The following INTU variants were observed in gnomAD, a reference collection of about 807,000 sequenced individuals.
The protein encoded by INTU is protein inturned.
Under a neutral mutation model 100.5 loss-of-function variants are expected in INTU, and 68 were observed. The ratio of observed to expected loss-of-function variants is 0.68; its 90% CI spans 0.56 to 0.83. The LOEUF (loss-of-function observed/expected upper bound fraction) is 0.83, where lower values mean the gene tolerates loss of function less well. Ranked by LOEUF, INTU falls within the 40% of genes least tolerant of loss-of-function variation. INTU has a pLI of 0.00. For missense variants in INTU, 1,071 were observed against 1,114.7 expected (o/e 0.96, Z 0.56); for synonymous variants, 357 against 395.7 (o/e 0.90, Z 1.16).
At chr4:127,656,298 A>G (rs1728219675) in intron 2 of INTU, among the ~76,000 whole-genome samples, 1 of 152,188 alleles carries the variant, frequency 6.6e-6, no homozygotes, top group African/African-American at 2.4e-5. Flanking sequence ...TGTCAAGTAC[A>G]GTATTTGGTT....
chr4:127,718,159 A>G lies in INTU; in HGVS notation c.*1723A>G, dbSNP rs1731295886. ...CCTTTATTCTATCTTAATTTTTTGT[A>G]TAAGGTATGAGGAATGGGTCCAGTT... On this transcript the variant is annotated 3_prime_UTR_variant, in exon 16 of 16. Transcript: ENST00000335251. 6.6e-6 allele frequency: 1 copy of G among 151,988 alleles called. No homozygotes were observed. The highest frequency in any genetic ancestry group is 2.1e-4 in the South Asian group (1 of 4,826). The allele number at this position is 151,988 out of a possible 1,614,324, so 9.4% of individuals were successfully genotyped here. A position where few individuals can be genotyped will look rare whatever the true frequency, so the allele number is the denominator to read the frequency against.
chr4:127,690,357 A>G (rs1730061532), intron 8 of INTU, among the ~76,000 whole-genome samples: 1 of 152,182 alleles, frequency 6.6e-6, no homozygotes, highest in African/African-American at 2.4e-5. Flanking sequence ...TTATCTTGCC[A>G]GTGCTTTGGC....
chr4:127,654,882 T>G (rs568861172), intron 2 of INTU, among the ~76,000 whole-genome samples: 64 of 144,728 alleles, frequency 4.4e-4, no homozygotes, highest in African/African-American at 1.6e-3. Flanking sequence ...GATTTGGTCT[T>G]TTCACATAGT....
At chr4:127,711,247 C>G in intron 14 of INTU, 145 bp downstream of exon 14, 1 of 534,752 alleles carries the variant, frequency 1.9e-6, no homozygotes, top group East Asian at 3.0e-5. Context: ...GGTGCCAAAA[C>G]AATTATACTC....
chr4:127,687,648 C>A, intron 7 of INTU, 30 bp from the exon 8 acceptor site: 1 of 1,564,886 alleles, frequency 6.4e-7, no homozygotes, highest in Non-Finnish European at 8.7e-7. Context: ...TTCCATATGT[C>A]GTTCTAACTT....
chr4:127,647,516 C>T (rs548889469), intron 2 of INTU, among the ~76,000 whole-genome samples: 2 of 152,264 alleles, frequency 1.3e-5, no homozygotes, highest in Non-Finnish European at 2.9e-5. Context: ...GACGATCATT[C>T]GGATAATCCA....
chr4:127,679,948 A>G (rs1173690308), intron 6 of INTU, among the ~76,000 whole-genome samples: 1 of 152,240 alleles, frequency 6.6e-6, no homozygotes, highest in Non-Finnish European at 1.5e-5. Flanking sequence ...CAGAATTACA[A>G]ACTACCGTCA....
rs1170611458 is a variant in INTU at position 127,725,808 on chromosome 4, A to C, written c.*9372A>C. 1 of 152,218 alleles carries C rather than the reference A, an allele frequency of 6.6e-6. No individual in the cohort carries two copies. Among genetic ancestry groups the C allele is most frequent in the Non-Finnish European group, 1.5e-5 (1 of 68,034 alleles). 9.4% of individuals were successfully genotyped at this position (152,218 alleles called of 1,614,324 possible). On this transcript the variant is annotated 3_prime_UTR_variant, in exon 16 of 16. Transcript: ENST00000335251. ...TCACACATCTTATTTTTTCATTTCT[A>C]AATGGATATTGAACTAAGCTCTGAA...
chr4:127,706,900 G>C lies in INTU; in HGVS notation c.2202G>C (p.Pro734=), dbSNP rs138895515. The change falls in exon 12 of 16, where the codon CCG becomes CCC. Residue 734 remains proline (P), a synonymous_variant. Transcript: ENST00000335251. ...EDDGFSPHTT[P]DAVRKQRESQ... Reference sequence around the variant, plus strand: ...ATGGCTTTAGCCCCCATACTACACCGGATGCAGTACGGAAGCAAAGAGAAT... The same window carrying C: ...ATGGCTTTAGCCCCCATACTACACCCGATGCAGTACGGAAGCAAAGAGAAT... 6.2e-7 allele frequency: 1 copy of C among 1,613,754 alleles called. No individual in the cohort carries two copies. The highest frequency in any genetic ancestry group is 8.5e-7 in the Non-Finnish European group (1 of 1,179,818).
intron 4 of INTU, among the ~76,000 whole-genome samples, chr4:127,667,588 C>A (rs1413184394): frequency 6.6e-6 from 1 of 151,970 alleles, no homozygotes; most frequent in African/African-American, 2.4e-5. Context: ...AAAAACTATT[C>A]AAAGAGTATA....
intron 1 of INTU, among the ~76,000 whole-genome samples, chr4:127,643,137 C>G (rs967916517): frequency 1.3e-5 from 2 of 152,178 alleles, no homozygotes; most frequent in African/African-American, 4.8e-5. Context: ...ATTGCATAAT[C>G]AACTGCTAAT....
chr4:127,662,999 G>C (rs1174349996), intron 3 of INTU, among the ~76,000 whole-genome samples: 1 of 152,168 alleles, frequency 6.6e-6, no homozygotes, highest in Non-Finnish European at 1.5e-5. Flanking sequence ...AGATAAGCCA[G>C]TGCTATCGGC....
At chr4:127,694,466 G>A (rs1029568473) in intron 8 of INTU, among the ~76,000 whole-genome samples, 1 of 151,646 alleles carries the variant, frequency 6.6e-6, no homozygotes, top group Non-Finnish European at 1.5e-5. Context: ...CTCTTTTCTT[G>A]GTTAATCTTT....
In INTU at chr4:127,725,594, C is replaced by T. The variant is rs933264505; in HGVS notation, c.*9158C>T. On this transcript the variant is annotated 3_prime_UTR_variant, in exon 16 of 16. Transcript: ENST00000335251. ...TTTTATCATAGGGGACTTTTTGTTTCATTTAATGAAATTTTGATGTGTTGA... is the reference window on the plus strand; with the variant it reads ...TTTTATCATAGGGGACTTTTTGTTTTATTTAATGAAATTTTGATGTGTTGA... 6 of 152,082 alleles carry T rather than the reference C, an allele frequency of 3.9e-5. No individual in the cohort carries two copies. The highest frequency in any genetic ancestry group is 3.9e-4 in the Admixed American group (6 of 15,270). The allele number at this position is 152,082 out of a possible 1,614,324, so 9.4% of individuals were successfully genotyped here.
At chr4:127,701,744 T>C (rs1232154659) in intron 9 of INTU, among the ~76,000 whole-genome samples, 3 of 152,118 alleles carry the variant, frequency 2.0e-5, no homozygotes, top group African/African-American at 7.2e-5. Flanking sequence ...AATTCCCTTT[T>C]TGTATATGCT....
Position 127,680,833 on chromosome 4 carries a change from A to G in INTU, c.1182-3576A>G, listed in dbSNP as rs1228666107. Among the ~76,000 whole-genome samples, 21 of 151,872 alleles carry G rather than the reference A, an allele frequency of 1.4e-4. 1 individual carries two copies. The highest frequency in any genetic ancestry group is 4.6e-4 in the Admixed American group (7 of 15,206). ...AATTGTCCCTGTTTGCAGATGACATAATTGTATATCTAGAAAACCCCATTG... is the reference window on the plus strand; with the variant it reads ...AATTGTCCCTGTTTGCAGATGACATGATTGTATATCTAGAAAACCCCATTG... On this transcript the variant is annotated intron_variant, in intron 6 of 15. Transcript: ENST00000335251.
intron 4 of INTU, among the ~76,000 whole-genome samples, chr4:127,664,898 A>T (rs150392333): frequency 9.0e-4 from 137 of 151,594 alleles, no homozygotes; most frequent in African/African-American, 3.1e-3. Flanking sequence ...TTCTACTGGA[A>T]CTGCTTTTTC....
chr4:127,693,875 A>T (rs1012181869), intron 8 of INTU, among the ~76,000 whole-genome samples: 8 of 152,046 alleles, frequency 5.3e-5, no homozygotes, highest in Admixed American at 4.6e-4. Context: ...TGTATCATTT[A>T]TTGACTTATG....
chr4:127,655,807 C>G lies in INTU; in HGVS notation c.683-829C>G, dbSNP rs1041064152. On this transcript the variant is annotated intron_variant, in intron 2 of 15. Coordinates refer to ENST00000335251, the MANE Select transcript of INTU (RefSeq NM_015693.4). ...CTAAGCAAGCCTGGGCAATGGGGGG[C>G]GCCCCTCCCCCAGCCTCGCTGCCGC... Among the ~76,000 whole-genome samples the G allele has an allele frequency of 6.8e-3, 1,030 of 152,286 alleles. 12 individuals are homozygous for G. The highest frequency in any genetic ancestry group is 0.024 in the Middle Eastern group (7 of 294).
Sources: gnomAD v4.1 joint callset for allele counts (sites outside exome capture counted in the v4.1 genomes callset) on GRCh38, gnomAD v4.1.1 for gene constraint, MANE v1.5 for transcripts, NCBI Gene and HGNC (gene_info 2026-07-23, HGNC 2026-07-21) for gene names.